Variants in B3GLCT observed in about 807,000 individuals in gnomAD.
The protein encoded by B3GLCT is beta-1,3-glucosyltransferase.
A neutral mutation model predicts 63.4 loss-of-function variants in B3GLCT; 65 were observed. The ratio of observed to expected loss-of-function variants is 1.03; its 90% confidence interval spans 0.84 to 1.26. The LOEUF (loss-of-function observed/expected upper bound fraction) is 1.26, where lower values mean the gene tolerates loss of function less well. Ranked by LOEUF, B3GLCT falls within the 50% of genes most tolerant of loss-of-function variation. The pLI is 0.00. For synonymous variants in B3GLCT, 233 were observed against 219.2 expected, an observed-to-expected ratio of 1.06 and a Z score of -0.55; for missense variants, 577 against 604.8, an observed-to-expected ratio of 0.95 and a Z score of 0.48.
chr13:31,295,789 T>C (rs566812665), intron 12 of B3GLCT, among the ~76,000 whole-genome samples: 2 of 152,240 alleles, frequency 1.3e-5, no homozygotes, highest in Non-Finnish European at 2.9e-5. Context: ...ACTACTTGGC[T>C]CCCTTGCTTT....
At chr13:31,204,621 T>G (rs1430181815) in intron 1 of B3GLCT, among the ~76,000 whole-genome samples, 1 of 152,110 alleles carries the variant, frequency 6.6e-6, no homozygotes, top group East Asian at 1.9e-4. Context: ...GGGGTCATCC[T>G]TAGAGCAGAG....
chr13:31,204,991 G>T (rs753851886), intron 1 of B3GLCT, among the ~76,000 whole-genome samples: 2 of 152,128 alleles, frequency 1.3e-5, no homozygotes, highest in Non-Finnish European at 2.9e-5. Flanking sequence ...TAAGTATAAT[G>T]AATTTTAAGT....
chr13:31,243,157 G>T (rs1347664474), intron 4 of B3GLCT, among the ~76,000 whole-genome samples: 1 of 152,208 alleles, frequency 6.6e-6, no homozygotes, highest in African/African-American at 2.4e-5. Context: ...ACAAACAGTT[G>T]AAATGGAATC....
intron 12 of B3GLCT, among the ~76,000 whole-genome samples, chr13:31,301,101 G>GGTTT (rs1189483797): frequency 1.3e-5 from 2 of 152,160 alleles, no homozygotes; most frequent in African/African-American, 4.8e-5. Flanking sequence ...TTGCAAAGGG[G>GGTTT]GTTTCATCAA....
intron 12 of B3GLCT, among the ~76,000 whole-genome samples, chr13:31,315,722 A>T (rs1235830094): frequency 6.6e-6 from 1 of 152,268 alleles, no homozygotes; most frequent in Non-Finnish European, 1.5e-5. Flanking sequence ...TCATACCAAG[A>T]CAATAGGGAA....
At chr13:31,258,823 T>C (rs1382240213) in intron 6 of B3GLCT, among the ~76,000 whole-genome samples, 1 of 152,238 alleles carries the variant, frequency 6.6e-6, no homozygotes, top group Non-Finnish European at 1.5e-5. Flanking sequence ...AGTCTACAAC[T>C]TGATGACTTT....
intron 12 of B3GLCT, among the ~76,000 whole-genome samples, chr13:31,309,717 T>C (rs1246428643): frequency 2.6e-5 from 4 of 152,218 alleles, no homozygotes; most frequent in Non-Finnish European, 4.4e-5. Flanking sequence ...AATCTGCACA[T>C]GTTTAGCTAT....
chr13:31,282,386 TC>T (rs1199926076), intron 10 of B3GLCT, among the ~76,000 whole-genome samples: 2 of 152,154 alleles, frequency 1.3e-5, no homozygotes, highest in Non-Finnish European at 2.9e-5. Context: ...ATGCCTGTAA[TC>T]CCAGCACTTT....
chr13:31,237,351 CTG>C (rs1870704959), intron 4 of B3GLCT, among the ~76,000 whole-genome samples: 1 of 71,890 alleles, frequency 1.4e-5, no homozygotes, highest in East Asian at 4.2e-4. Flanking sequence ...TAGCTGGAGG[CTG>C]TTTTTTTTTT....
chr13:31,208,624 C>CG, intron 1 of B3GLCT, among the ~76,000 whole-genome samples: 1 of 118,096 alleles, frequency 8.5e-6, no homozygotes, highest in South Asian at 3.7e-4. Context: ...TAGTGGCCCC[C>CG]CCCCCCCGCT....
intron 1 of B3GLCT, among the ~76,000 whole-genome samples, chr13:31,214,368 ATGT>A (rs1156907174): frequency 1.3e-5 from 2 of 152,070 alleles, no homozygotes; most frequent in South Asian, 4.1e-4. Context: ...TGTTACTGTC[ATGT>A]TGTTGTTATT....
intron 13 of B3GLCT, 75 bp from the exon 14 acceptor site, chr13:31,323,676 T>C: frequency 1.3e-6 from 2 of 1,565,252 alleles, no homozygotes; most frequent in Non-Finnish European, 1.8e-6. Flanking sequence ...AAGTCCTGTT[T>C]CCCGGGGCCC....
At chr13:31,227,908 C>T (rs1175485936) in intron 3 of B3GLCT, among the ~76,000 whole-genome samples, 6 of 152,202 alleles carry the variant, frequency 3.9e-5, no homozygotes, top group Non-Finnish European at 5.9e-5. Context: ...CTTCCTCTGC[C>T]GACATTCCTG....
chr13:31,277,888 C>A (rs2137864432), intron 10 of B3GLCT, among the ~76,000 whole-genome samples: 1 of 152,128 alleles, frequency 6.6e-6, no homozygotes, highest in East Asian at 1.9e-4. Flanking sequence ...TGCAACAAGT[C>A]CTAAGATACT....
chr13:31,217,149 C>T (rs565746842), intron 2 of B3GLCT, among the ~76,000 whole-genome samples: 5 of 152,032 alleles, frequency 3.3e-5, no homozygotes, highest in Admixed American at 6.6e-5. Context: ...CTGACTAGTG[C>T]GAGATGGTAT....
chr13:31,322,228 G>A (rs549415962), intron 13 of B3GLCT, among the ~76,000 whole-genome samples: 8 of 152,354 alleles, frequency 5.3e-5, no homozygotes, highest in Admixed American at 1.3e-4. Context: ...CAATGTCCTC[G>A]GAAGAGGCCG....
intron 10 of B3GLCT, among the ~76,000 whole-genome samples, chr13:31,284,369 A>G (rs1197167219): frequency 6.6e-6 from 1 of 152,212 alleles, no homozygotes; most frequent in African/African-American, 2.4e-5. Context: ...ACACAATAGC[A>G]TAATCAAACC....
At position 31,269,389 on chromosome 13, in the gene B3GLCT, C is replaced by T. The variant is rs560254399; in HGVS notation, c.660+112C>T. On this transcript the variant is annotated intron_variant, in intron 8 of 14. Coordinates refer to ENST00000343307, the MANE Select transcript of B3GLCT (RefSeq NM_194318.4). ...TGCATTTTCCCCACCCACATCTACT[C>T]CCCACAGAGATAATTTCATAGCACT... 98 of 722,242 alleles carry T rather than the reference C, an allele frequency of 1.4e-4. No homozygotes were observed. The East Asian group carries it at 2.6e-3, about 19-fold the overall frequency. The allele number at this position is 722,242 out of a possible 1,614,324, so 44.7% of individuals were successfully genotyped here.
intron 2 of B3GLCT, among the ~76,000 whole-genome samples, chr13:31,218,022 A>G (rs968628296): frequency 1.3e-5 from 2 of 152,226 alleles, no homozygotes; most frequent in Non-Finnish European, 2.9e-5. Flanking sequence ...TTTGGGCAAT[A>G]TGGCCATTTT....
Sources: allele counts gnomAD v4.1 joint callset (sites outside exome capture counted in the v4.1 genomes callset), GRCh38; gene constraint gnomAD v4.1.1; transcripts MANE v1.5; gene names NCBI Gene and HGNC (gene_info 2026-07-23, HGNC 2026-07-21).